The following PDE4B variants were observed in gnomAD, a reference collection of about 807,000 sequenced individuals.
The protein encoded by PDE4B is phosphodiesterase 4B.
PDE4B carries 20 observed loss-of-function variants against 82.2 expected under a neutral mutation model. That is an observed-to-expected ratio of 0.24 (90% confidence interval 0.17 to 0.35). The LOEUF is 0.35. PDE4B is among the 10% of genes least tolerant of loss of function. The probability of loss-of-function intolerance (pLI) is 1.00; values close to 1 mark genes in which losing one functional copy is unlikely to be tolerated. For missense variants in PDE4B, 655 were observed against 907.2 expected, an observed-to-expected ratio of 0.72 and a Z score of 3.57; for synonymous variants, 320 against 318.9, an observed-to-expected ratio of 1.00 and a Z score of -0.04.
chr1:66,283,436 A>G (rs1656434997), intron 7 of PDE4B, among the ~76,000 whole-genome samples: 1 of 152,010 alleles, frequency 6.6e-6, no homozygotes, highest in Non-Finnish European at 1.5e-5. Flanking sequence ...GAAGGTTGCA[A>G]CTGGGTCTTG....
At chr1:66,009,442 G>A (rs1458356552) in intron 3 of PDE4B, among the ~76,000 whole-genome samples, 1 of 152,086 alleles carries the variant, frequency 6.6e-6, no homozygotes, top group Non-Finnish European at 1.5e-5. Context: ...TATATTATCT[G>A]ATCAGTTGTT....
At chr1:66,201,458 T>C (rs1321621717) in intron 3 of PDE4B, among the ~76,000 whole-genome samples, 1 of 152,186 alleles carries the variant, frequency 6.6e-6, no homozygotes, top group East Asian at 1.9e-4. Flanking sequence ...AGAATTTGGC[T>C]GTGAATCCAT....
chr1:66,126,037 C>T (rs1402248024), intron 3 of PDE4B, among the ~76,000 whole-genome samples: 2 of 152,042 alleles, frequency 1.3e-5, no homozygotes, highest in Non-Finnish European at 2.9e-5. Context: ...AACTCCTGAC[C>T]TCAGGTGATC....
chr1:66,301,527 C>T (rs180852891), intron 7 of PDE4B, among the ~76,000 whole-genome samples: 17 of 150,674 alleles, frequency 1.1e-4, no homozygotes, highest in Non-Finnish European at 2.2e-4. Context: ...AAAGCAGGGG[C>T]GAGACCACCA....
At chr1:66,261,089 T>A (rs1654646002) in intron 6 of PDE4B, among the ~76,000 whole-genome samples, 1 of 151,730 alleles carries the variant, frequency 6.6e-6, no homozygotes. Context: ...CCAAAGGGAG[T>A]TGAGAGTGGT....
intron 3 of PDE4B, among the ~76,000 whole-genome samples, chr1:66,165,952 G>GAC (rs1646720990): frequency 7.2e-6 from 1 of 139,378 alleles, no homozygotes; most frequent in Non-Finnish European, 1.6e-5. Context: ...ACCTTGAGGG[G>GAC]AAAAAAAAAA....
chr1:66,342,548 T>TAAAAAAAA (rs374881888), intron 8 of PDE4B, among the ~76,000 whole-genome samples: 1 of 96,530 alleles, frequency 1.0e-5, no homozygotes, highest in Non-Finnish European at 2.3e-5. Context: ...TGTCTCTAAT[T>TAAAAAAAA]AAAAAAAAAA....
At chr1:66,008,268 G>A (rs567422137) in intron 3 of PDE4B, among the ~76,000 whole-genome samples, 32 of 152,290 alleles carry the variant, frequency 2.1e-4, no homozygotes, top group African/African-American at 6.7e-4. Context: ...ATGGAACATA[G>A]ACGATGGGCT....
chr1:66,016,111 T>C (rs977478252), intron 3 of PDE4B, among the ~76,000 whole-genome samples: 33 of 152,172 alleles, frequency 2.2e-4, no homozygotes, highest in African/African-American at 8.0e-4. Context: ...TGTGTCTGAG[T>C]ATCTCCATCT....
chr1:66,266,541 C>T (rs1157220377), intron 7 of PDE4B: 3 of 367,816 alleles, frequency 8.2e-6, no homozygotes, highest in Non-Finnish European at 1.6e-5. Context: ...ACATCCTTTC[C>T]AGGTGTGAAA....
At chr1:66,317,141 G>A (rs764902539) in intron 7 of PDE4B, among the ~76,000 whole-genome samples, 13 of 152,174 alleles carry the variant, frequency 8.5e-5, no homozygotes, top group Non-Finnish European at 1.6e-4. Flanking sequence ...CACAGAGGCT[G>A]CAAAAATCAT....
At position 65,918,489 on chromosome 1, in the gene PDE4B, G is replaced by C. The variant is rs567302361; in HGVS notation, c.43-108G>C. The C allele has an allele frequency of 2.5e-4, 167 of 669,330 alleles. No individual in the cohort carries two copies. The African/African-American group carries it at 2.7e-3, about 11-fold the overall frequency. 41.5% of individuals were successfully genotyped at this position (669,330 alleles called of 1,614,324 possible). Reference sequence around the variant, plus strand: ...TTAGATTCTGATTGTGAGATAATCAGGACATCATAAGTGACAGCTTGATCA... The same window carrying C: ...TTAGATTCTGATTGTGAGATAATCACGACATCATAAGTGACAGCTTGATCA... On this transcript the variant is annotated intron_variant, in intron 2 of 16. Coordinates refer to ENST00000341517, the MANE Select transcript of PDE4B (RefSeq NM_002600.4).
chr1:65,953,673 T>C (rs1649113256), intron 3 of PDE4B, among the ~76,000 whole-genome samples: 1 of 152,134 alleles, frequency 6.6e-6, no homozygotes, highest in African/African-American at 2.4e-5. Context: ...AGTCATAAAG[T>C]TGCAGCAATT....
At chr1:66,307,798 T>C (rs1330362887) in intron 7 of PDE4B, among the ~76,000 whole-genome samples, 1 of 152,034 alleles carries the variant, frequency 6.6e-6, no homozygotes, top group African/African-American at 2.4e-5. Flanking sequence ...GTTGCTGTTG[T>C]TATTGTTGTT....
intron 3 of PDE4B, among the ~76,000 whole-genome samples, chr1:66,227,146 G>A (rs564207285): frequency 7.2e-5 from 11 of 152,264 alleles, no homozygotes; most frequent in East Asian, 1.9e-4. Flanking sequence ...ATTCTGTTTC[G>A]GCCATGTGGC....
intron 1 of PDE4B, among the ~76,000 whole-genome samples, chr1:65,800,101 A>C (rs186404177): frequency 3.0e-4 from 45 of 152,356 alleles, no homozygotes; most frequent in African/African-American, 1.0e-3. Flanking sequence ...AAGGGTAAAA[A>C]CAAAAGCACA....
At chr1:66,176,907 C>T (rs897071726) in intron 3 of PDE4B, among the ~76,000 whole-genome samples, 2 of 152,132 alleles carry the variant, frequency 1.3e-5, no homozygotes, top group Non-Finnish European at 2.9e-5. Flanking sequence ...GGTCAGTGGC[C>T]CTGGCAATAC....
At chr1:65,886,243 A>G (rs1007581616) in intron 1 of PDE4B, among the ~76,000 whole-genome samples, 1 of 152,034 alleles carries the variant, frequency 6.6e-6, no homozygotes, top group African/African-American at 2.4e-5. Flanking sequence ...TTCATCTTTC[A>G]ATTTTCTAAT....
At chr1:66,069,710 C>A (rs1210711652) in intron 3 of PDE4B, among the ~76,000 whole-genome samples, 2 of 151,890 alleles carry the variant, frequency 1.3e-5, no homozygotes, top group South Asian at 2.1e-4. Context: ...ATATTGGTAC[C>A]ATTATAGATA....
Sources: gnomAD v4.1 joint callset for allele counts (sites outside exome capture counted in the v4.1 genomes callset) on GRCh38, gnomAD v4.1.1 for gene constraint, MANE v1.5 for transcripts, NCBI Gene and HGNC (gene_info 2026-07-23, HGNC 2026-07-21) for gene names.